Variants in MYO18B observed in about 807,000 individuals in gnomAD.
MYO18B encodes the protein unconventional myosin-XVIIIb.
Under a neutral mutation model 273.0 loss-of-function variants are expected in MYO18B, and 204 were observed. The ratio of observed to expected loss-of-function variants is 0.75; its 90% CI spans 0.67 to 0.84. The LOEUF is 0.84. MYO18B is among the 40% of genes least tolerant of loss of function. The probability of loss-of-function intolerance (pLI) is 0.00; values close to 1 mark genes in which losing one functional copy is unlikely to be tolerated. For missense variants in MYO18B, 3,212 were observed against 3,287.6 expected (o/e 0.98, Z 0.56); for synonymous variants, 1,330 against 1,305.7 (o/e 1.02, Z -0.40).
chr22:25,932,177 G>A (rs1330338999), intron 34 of MYO18B, among the ~76,000 whole-genome samples: 2 of 152,090 alleles, frequency 1.3e-5, no homozygotes, highest in Admixed American at 6.6e-5. Flanking sequence ...AGTTCAAAGG[G>A]CTTATTTAAG....
chr22:25,967,619 A>G (rs1004027473), intron 39 of MYO18B, among the ~76,000 whole-genome samples: 1 of 152,188 alleles, frequency 6.6e-6, no homozygotes, highest in African/African-American at 2.4e-5. Context: ...TGGAATTCAA[A>G]GTGTATTTAG....
chr22:25,744,388 C>T (rs2085714328), intron 1 of MYO18B, among the ~76,000 whole-genome samples: 1 of 152,104 alleles, frequency 6.6e-6, no homozygotes, highest in Non-Finnish European at 1.5e-5. Flanking sequence ...TCTGAATGGC[C>T]CATTTGAAGC....
At chr22:26,019,180 T>G (rs1935612156) in intron 42 of MYO18B, among the ~76,000 whole-genome samples, 1 of 152,146 alleles carries the variant, frequency 6.6e-6, no homozygotes, top group Admixed American at 6.5e-5. Context: ...ACATTATAGG[T>G]AGACAGACCA....
intron 35 of MYO18B, among the ~76,000 whole-genome samples, 178 bp downstream of exon 35, chr22:25,946,428 T>C (rs2092713507): frequency 2.0e-5 from 3 of 152,030 alleles, no homozygotes; most frequent in African/African-American, 4.8e-5. Flanking sequence ...CTCAGCTCTG[T>C]AAGAGGGACA....
chr22:25,799,773 C>T (rs1260568098), intron 12 of MYO18B, among the ~76,000 whole-genome samples: 2 of 152,188 alleles, frequency 1.3e-5, no homozygotes, highest in Non-Finnish European at 2.9e-5. Context: ...AGAAGTCATA[C>T]TGAGTCAGGA....
chr22:25,967,650 T>G (rs1328715009), intron 39 of MYO18B, among the ~76,000 whole-genome samples: 1 of 152,170 alleles, frequency 6.6e-6, no homozygotes, highest in Non-Finnish European at 1.5e-5. Flanking sequence ...TGAATATAAC[T>G]TGTCTAGGTT....
intron 31 of MYO18B, 48 bp from the exon 32 acceptor site, chr22:25,908,274 A>G: frequency 1.4e-6 from 2 of 1,425,210 alleles, no homozygotes; most frequent in Non-Finnish European, 1.9e-6. Flanking sequence ...GAGGGCTTGG[A>G]GAGTTAGAGT....
At chr22:25,975,326 A>G (rs2093077368) in intron 39 of MYO18B, among the ~76,000 whole-genome samples, 1 of 152,178 alleles carries the variant, frequency 6.6e-6, no homozygotes, top group African/African-American at 2.4e-5. Flanking sequence ...GAAGATCGCA[A>G]AAGTGTACGG....
Position 25,816,519 on chromosome 22 carries a change from A to G in MYO18B, c.2522-6986A>G, listed in dbSNP as rs371937209. Among the ~76,000 whole-genome samples the G allele has an allele frequency of 3.7e-3, 357 of 95,520 alleles. 22 individuals carry two copies. In the South Asian group the frequency reaches 0.12, roughly 32 times the overall value. 62.7% of individuals were successfully genotyped at this position (95,520 alleles called of 152,430 possible). A position where few individuals can be genotyped will look rare whatever the true frequency, so the allele number is the denominator to read the frequency against. On this transcript the variant is annotated intron_variant, in intron 12 of 43. Coordinates refer to ENST00000335473, the MANE Select transcript of MYO18B (RefSeq NM_032608.7). ...GCCCCCCACCCCCAGACAGGCCCCA[A>G]TGTGTTGTGTTCCCCGCCCTGTGTC...
At position 25,794,569 on chromosome 22, in the gene MYO18B, A is replaced by G. The variant is rs193159024; in HGVS notation, c.2377-3384A>G. ...ACCCAGGCTGGAGTGAGGTGGTGCA[A>G]TCTTGTCTCACTGCAAGCTCTGCCT... On this transcript the variant is annotated intron_variant, in intron 11 of 43. Transcript: ENST00000335473. Among the ~76,000 whole-genome samples, 1,080 of 151,758 alleles carry G rather than the reference A, an allele frequency of 7.1e-3. 46 individuals carry two copies. The highest frequency in any genetic ancestry group is 0.064 in the Admixed American group (980 of 15,226).
chr22:25,751,553 G>A (rs778986356), intron 1 of MYO18B, among the ~76,000 whole-genome samples: 2 of 152,204 alleles, frequency 1.3e-5, no homozygotes, highest in Non-Finnish European at 2.9e-5. Flanking sequence ...AGCTGAGCAT[G>A]TGTGGGAGGA....
intron 34 of MYO18B, among the ~76,000 whole-genome samples, chr22:25,938,216 T>G (rs931223940): frequency 3.9e-5 from 6 of 152,230 alleles, no homozygotes; most frequent in Non-Finnish European, 7.3e-5. Context: ...TCTAGTCAAC[T>G]CATCTAGTAG....
At chr22:26,043,000 A>G in the MYO18B span, among the ~76,000 whole-genome samples, 3 of 152,322 alleles carry the variant, frequency 2.0e-5, no homozygotes, top group Admixed American at 6.5e-5. Context: ...ATGAATGCAT[A>G]TCAGGACAGG....
chr22:25,889,683 G>C (rs1382851035), intron 25 of MYO18B, among the ~76,000 whole-genome samples: 4 of 150,118 alleles, frequency 2.7e-5, no homozygotes, highest in African/African-American at 7.4e-5. Flanking sequence ...TATTTCTCCC[G>C]TTACGTACTC....
Position 25,768,655 on chromosome 22 carries a change from A to AC in MYO18B, c.744dup (p.Lys249GlnfsTer9), listed in dbSNP as rs1291831532. 5.2e-6 allele frequency: 8 copies of AC among 1,532,194 alleles called. No individual in the cohort carries two copies. Among genetic ancestry groups the AC allele is most frequent in the Non-Finnish European group, 6.1e-6 (7 of 1,144,808 alleles). The allele number at this position is 1,532,194 out of a possible 1,614,324, so 94.9% of individuals were successfully genotyped here. A position where few individuals can be genotyped will look rare whatever the true frequency, so the allele number is the denominator to read the frequency against. On this transcript the variant is annotated frameshift_variant, in exon 4 of 44. Transcript: ENST00000335473. LOFTEE classifies it high-confidence loss of function. Reference sequence around the variant, plus strand: ...AAGCATAGTGGGGAAGGGGCTTGGGACCCCCAAGACCACAGAGCTGAAAGA... The same window carrying AC: ...AAGCATAGTGGGGAAGGGGCTTGGGACCCCCCAAGACCACAGAGCTGAAAGA...
intron 39 of MYO18B, chr22:25,964,697 AG>A (rs1258258355): frequency 1.3e-5 from 2 of 152,210 alleles, no homozygotes; most frequent in African/African-American, 2.4e-5. Context: ...ATGTCCCCTA[AG>A]GGGCAAAATC....
chr22:25,851,189 A>T (rs1040360419), intron 20 of MYO18B, among the ~76,000 whole-genome samples: 3 of 152,162 alleles, frequency 2.0e-5, no homozygotes, highest in African/African-American at 7.2e-5. Flanking sequence ...TGGCTCATGG[A>T]CCTTCCAAGA....
chr22:26,013,786 C>T (rs1254639497), intron 42 of MYO18B, among the ~76,000 whole-genome samples: 3 of 152,170 alleles, frequency 2.0e-5, no homozygotes, highest in Non-Finnish European at 2.9e-5. Context: ...ATGCTTATAT[C>T]TTCATTCGAA....
chr22:25,974,943 C>T (rs533673958), intron 39 of MYO18B, among the ~76,000 whole-genome samples: 2 of 152,310 alleles, frequency 1.3e-5, no homozygotes, highest in East Asian at 3.9e-4. Flanking sequence ...ATCCCTGACA[C>T]TGGGAGAGTG....
Sources: gnomAD v4.1 joint callset for allele counts (sites outside exome capture counted in the v4.1 genomes callset) on GRCh38, gnomAD v4.1.1 for gene constraint, MANE v1.5 for transcripts, NCBI Gene and HGNC (gene_info 2026-07-23, HGNC 2026-07-21) for gene names.